The following PCDH15 variants were observed in gnomAD, a reference collection of about 807,000 sequenced individuals.
The protein encoded by PCDH15 is protocadherin-15.
Under a neutral mutation model 178.5 loss-of-function variants are expected in PCDH15, and 129 were observed. The ratio of observed to expected loss-of-function variants is 0.72; its 90% CI spans 0.63 to 0.84. The LOEUF (loss-of-function observed/expected upper bound fraction) is 0.84. Ranked by LOEUF, PCDH15 falls within the 40% of genes least tolerant of loss-of-function variation. The probability of loss-of-function intolerance (pLI) is 0.00; values close to 1 mark genes in which losing one functional copy is unlikely to be tolerated. For missense variants in PCDH15, 2,230 were observed against 2,099.9 expected (o/e 1.06, Z -1.21); for synonymous variants, 800 against 732.0 (o/e 1.09, Z -1.50).
chr10:53,925,618 G>A (rs1458730703), intron 25 of PCDH15, among the ~76,000 whole-genome samples: 1 of 152,190 alleles, frequency 6.6e-6, no homozygotes, highest in African/African-American at 2.4e-5. Context: ...CTCTTAAAGA[G>A]ATCATTGCCT....
chr10:54,112,139 C>T (rs2095036877), intron 15 of PCDH15, among the ~76,000 whole-genome samples: 1 of 151,616 alleles, frequency 6.6e-6, no homozygotes, highest in African/African-American at 2.4e-5. Flanking sequence ...GAGACTCTGT[C>T]TCAAAATAAA....
At chr10:54,662,919 G>A (rs750568904) in intron 2 of PCDH15, among the ~76,000 whole-genome samples, 2 of 151,798 alleles carry the variant, frequency 1.3e-5, no homozygotes, top group Non-Finnish European at 2.9e-5. Context: ...TATACATACT[G>A]CTTTTAAAAA....
intron 3 of PCDH15, among the ~76,000 whole-genome samples, chr10:54,453,038 C>G (rs1325351941): frequency 6.6e-6 from 1 of 152,036 alleles, no homozygotes; most frequent in Admixed American, 6.6e-5. Context: ...CTATAAGGAA[C>G]ACTTTTACAC....
chr10:54,378,857 CA>C lies in PCDH15; in HGVS notation c.242del (p.Val81GlyfsTer6). 1 of 1,613,718 alleles carries C rather than the reference CA, an allele frequency of 6.2e-7. No homozygotes were observed. Among genetic ancestry groups the C allele is most frequent in the South Asian group, 1.1e-5 (1 of 91,070 alleles). Reference protein sequence around the residue: ...PTIELSLKDNVDYWVLMDPVK... With the variant: ...PTIELSLKDNXDYWVLMDPVK... ...CAGGATCCATCAACACCCAGTAATCCACATTATCCTTTAAAGAAAGTTCTAT... is the reference window on the plus strand; with the variant it reads ...CAGGATCCATCAACACCCAGTAATCCCATTATCCTTTAAAGAAAGTTCTAT... On this transcript the variant is annotated frameshift_variant, in exon 4 of 38. Transcript: ENST00000644397. LOFTEE classifies it high-confidence loss of function.
intron 1 of PCDH15, among the ~76,000 whole-genome samples, chr10:54,739,595 C>T (rs1455001094): frequency 6.7e-6 from 1 of 150,356 alleles, no homozygotes; most frequent in Non-Finnish European, 1.5e-5. Context: ...TGTATGGAGC[C>T]ACAAAAGACC....
intron 1 of PCDH15, among the ~76,000 whole-genome samples, chr10:54,704,688 T>A (rs2095347942): frequency 6.6e-6 from 1 of 151,996 alleles, no homozygotes; most frequent in South Asian, 2.1e-4. Flanking sequence ...GATGCCTGCA[T>A]GGTTGCAAAG....
At chr10:55,516,223 A>G (rs1015207413) in intron 2 of PCDH15, among the ~76,000 whole-genome samples, 1 of 151,978 alleles carries the variant, frequency 6.6e-6, no homozygotes, top group South Asian at 2.1e-4. Flanking sequence ...CATGACACTG[A>G]AAAAAATCTC....
At chr10:55,321,149 GA>G (rs1303323261), upstream of PCDH15, among the ~76,000 whole-genome samples, 1 of 149,314 alleles carries the variant, frequency 6.7e-6, no homozygotes, top group Non-Finnish European at 1.5e-5. Flanking sequence ...AAAAGGAAAA[GA>G]AAAAGAAACT....
intron 15 of PCDH15, among the ~76,000 whole-genome samples, chr10:54,107,008 C>A (rs775477750): frequency 6.6e-5 from 10 of 152,104 alleles, no homozygotes; most frequent in Non-Finnish European, 8.8e-5. Flanking sequence ...GGATACCTTG[C>A]CTATCTTCCT....
rs200351488 is a variant in PCDH15 at position 55,057,872 on chromosome 10, G to T, written c.-80+108704C>A. On this transcript the variant is annotated intron_variant, in intron 2 of 5. Coordinates refer to the PCDH15 transcript ENST00000458638. The stretch of plus-strand genomic sequence containing the variant: ...TTTATTTGCATTCCATTCTTTAAAT[G>T]ATCTTTCATTTATTAACATATACAC... Among the ~76,000 whole-genome samples, 34 of 152,122 alleles carry T rather than the reference G, an allele frequency of 2.2e-4. No individual in the cohort carries two copies. The East Asian group carries it at 6.0e-3, about 27-fold the overall frequency.
rs572705963 is a variant in PCDH15 at position 55,409,987 on chromosome 10, TA to T, written c.-156+217637del. Among the ~76,000 whole-genome samples, 3 of 152,286 alleles carry T rather than the reference TA, an allele frequency of 2.0e-5. No homozygotes were observed. In the South Asian group the frequency reaches 6.2e-4, roughly 32 times the overall value. Reference sequence around the variant, plus strand: ...AAACAAAAACTGAAATGATATTTCCTACCTCTTAGGGTTATTTGAAGATAAT... The same window carrying T: ...AAACAAAAACTGAAATGATATTTCCTCCTCTTAGGGTTATTTGAAGATAAT... On this transcript the variant is annotated intron_variant, in intron 2 of 5. Coordinates refer to the PCDH15 transcript ENST00000613346.
At chr10:53,891,796 TAA>T (rs113664953) in intron 26 of PCDH15, among the ~76,000 whole-genome samples, 4 of 145,652 alleles carry the variant, frequency 2.7e-5, no homozygotes, top group African/African-American at 5.2e-5. Context: ...TTACTAAAAA[TAA>T]AAAAAAAAAA....
intron 3 of PCDH15, among the ~76,000 whole-genome samples, chr10:54,472,934 T>G (rs2078018633): frequency 6.6e-6 from 1 of 152,180 alleles, no homozygotes; most frequent in African/African-American, 2.4e-5. Context: ...TAAAATAAAC[T>G]CTTCTATAAC....
chr10:55,471,843 C>T (rs1839961505), intron 2 of PCDH15, among the ~76,000 whole-genome samples: 1 of 152,148 alleles, frequency 6.6e-6, no homozygotes, highest in Admixed American at 6.5e-5. Flanking sequence ...TTGCCTCTCC[C>T]CTTATATGCA....
intron 2 of PCDH15, among the ~76,000 whole-genome samples, chr10:55,519,549 T>C (rs1841106183): frequency 6.6e-6 from 1 of 152,116 alleles, no homozygotes; most frequent in African/African-American, 2.4e-5. Context: ...TTCTGTAAGA[T>C]GTTACTATGG....
At chr10:54,172,156 A>G (rs2046978582) in intron 13 of PCDH15, among the ~76,000 whole-genome samples, 1 of 152,166 alleles carries the variant, frequency 6.6e-6, no homozygotes, top group African/African-American at 2.4e-5. Flanking sequence ...AAAAGAAGTG[A>G]ATATGCCCTG....
intron 8 of PCDH15, among the ~76,000 whole-genome samples, chr10:54,239,517 C>G (rs973278315): frequency 7.2e-5 from 11 of 151,734 alleles, no homozygotes; most frequent in Admixed American, 6.6e-4. Context: ...CTGTGAGTAT[C>G]TCAGGATACT....
intron 26 of PCDH15, among the ~76,000 whole-genome samples, chr10:53,877,754 C>T (rs1043964320): frequency 2.0e-5 from 3 of 152,054 alleles, no homozygotes; most frequent in Admixed American, 2.0e-4. Context: ...AGCATCCTCC[C>T]CCTCGGTTTA....
intron 2 of PCDH15, among the ~76,000 whole-genome samples, chr10:55,406,068 TAA>T: frequency 7.0e-6 from 1 of 143,778 alleles, no homozygotes; most frequent in South Asian, 2.2e-4. Flanking sequence ...TGTTCCCATC[TAA>T]AAAAAAAAAG....
Sources: gnomAD v4.1 joint callset for allele counts (sites outside exome capture counted in the v4.1 genomes callset) on GRCh38, gnomAD v4.1.1 for gene constraint, MANE v1.5 for transcripts, NCBI Gene and HGNC (gene_info 2026-07-23, HGNC 2026-07-21) for gene names.